The following RBFOX1 variants were observed in gnomAD, a reference collection of about 807,000 sequenced individuals.
The protein encoded by RBFOX1 is RNA binding protein fox-1 homolog 1.
In RBFOX1, 8 loss-of-function variants were observed where a neutral mutation model predicts 57.7. That is an observed-to-expected ratio of 0.14 (90% CI 0.08 to 0.25). The LOEUF (loss-of-function observed/expected upper bound fraction) is 0.25, where lower values mean the gene tolerates loss of function less well. RBFOX1 is among the 10% of genes least tolerant of loss of function. The pLI is 1.00. For missense variants in RBFOX1, 611 were observed against 548.5 expected, an observed-to-expected ratio of 1.11 and a Z score of -1.14; for synonymous variants, 326 against 222.4, an observed-to-expected ratio of 1.47 and a Z score of -4.15.
intron 1 of RBFOX1, among the ~76,000 whole-genome samples, chr16:6,094,332 C>T (rs897266034): frequency 6.6e-6 from 1 of 152,124 alleles, no homozygotes; most frequent in African/African-American, 2.4e-5. Flanking sequence ...ATCAACTATT[C>T]CATTTCTTTT....
chr16:6,225,749 C>G (rs1328168467), intron 1 of RBFOX1, among the ~76,000 whole-genome samples: 11 of 152,126 alleles, frequency 7.2e-5, no homozygotes, highest in Admixed American at 6.5e-4. Flanking sequence ...GAATCATAAC[C>G]AGCTTTAACA....
chr16:5,900,406 A>G (rs1392822191), intron 4 of RBFOX1, among the ~76,000 whole-genome samples: 4 of 152,190 alleles, frequency 2.6e-5, no homozygotes, highest in Non-Finnish European at 4.4e-5. Context: ...AGGGGGAAAA[A>G]AAGAAAGAGA....
intron 4 of RBFOX1, among the ~76,000 whole-genome samples, chr16:7,428,416 T>C (rs1370396482): frequency 6.8e-6 from 1 of 147,196 alleles, no homozygotes; most frequent in East Asian, 2.0e-4. Flanking sequence ...AACTTTTGCC[T>C]CCTGGGTTCT....
At chr16:7,327,342 G>T (rs556998137) in intron 4 of RBFOX1, among the ~76,000 whole-genome samples, 1 of 152,328 alleles carries the variant, frequency 6.6e-6, no homozygotes, top group East Asian at 1.9e-4. Context: ...CGGAAAATTT[G>T]TATCGGAGGA....
chr16:6,720,114 T>G (rs2065682350), intron 3 of RBFOX1, among the ~76,000 whole-genome samples: 1 of 151,682 alleles, frequency 6.6e-6, no homozygotes, highest in Non-Finnish European at 1.5e-5. Flanking sequence ...AATAAATAAA[T>G]AAATAAATAA....
At chr16:7,144,423 T>C (rs113392101) in intron 4 of RBFOX1, among the ~76,000 whole-genome samples, 10 of 128,326 alleles carry the variant, frequency 7.8e-5, no homozygotes, top group Non-Finnish European at 1.3e-4. Flanking sequence ...TCTTCTTTTT[T>C]TTTTTTTTTT....
intron 2 of RBFOX1, among the ~76,000 whole-genome samples, chr16:6,624,068 T>C (rs1463342494): frequency 1.3e-5 from 2 of 152,086 alleles, no homozygotes; most frequent in Non-Finnish European, 2.9e-5. Context: ...TAGGTGAAAA[T>C]TCTATGGTCC....
chr16:6,039,075 A>T (rs1413571137), intron 1 of RBFOX1: 1 of 149,234 alleles, frequency 6.7e-6, no homozygotes, highest in East Asian at 2.0e-4. Flanking sequence ...GAAAGTTTCC[A>T]CTCCCCAGAC....
chr16:6,982,152 T>G (rs893454324), intron 3 of RBFOX1, among the ~76,000 whole-genome samples: 3 of 152,202 alleles, frequency 2.0e-5, no homozygotes, highest in African/African-American at 7.2e-5. Flanking sequence ...TATCCATGTT[T>G]ATGGTATTGG....
At chr16:6,283,292 C>T (rs981603305) in intron 1 of RBFOX1, among the ~76,000 whole-genome samples, 1 of 152,040 alleles carries the variant, frequency 6.6e-6, no homozygotes, top group African/African-American at 2.4e-5. Context: ...GCACTCTGTA[C>T]CCAACCTGGA....
intron 3 of RBFOX1, among the ~76,000 whole-genome samples, chr16:6,862,782 G>C (rs1258696544): frequency 6.6e-6 from 1 of 152,052 alleles, no homozygotes; most frequent in East Asian, 1.9e-4. Context: ...GTCAGGAGTT[G>C]AAGATCAGCC....
chr16:6,829,503 A>G (rs1484963703), intron 3 of RBFOX1, among the ~76,000 whole-genome samples: 2 of 151,994 alleles, frequency 1.3e-5, no homozygotes, highest in East Asian at 3.9e-4. Flanking sequence ...AAACAAAAAA[A>G]CGTTAACTTA....
intron 4 of RBFOX1, among the ~76,000 whole-genome samples, chr16:7,371,898 G>A (rs191975160): frequency 1.3e-5 from 2 of 152,116 alleles, no homozygotes; most frequent in African/African-American, 4.8e-5. Context: ...GATATGCCAT[G>A]GAGCCTCCTT....
intron 3 of RBFOX1, among the ~76,000 whole-genome samples, chr16:6,735,344 G>C (rs912382971): frequency 7.2e-5 from 11 of 152,184 alleles, no homozygotes; most frequent in African/African-American, 2.4e-4. Context: ...TGGTTACTTA[G>C]TGCCGTCAGC....
At chr16:7,410,784 C>A (rs984710198) in intron 4 of RBFOX1, among the ~76,000 whole-genome samples, 2 of 152,038 alleles carry the variant, frequency 1.3e-5, no homozygotes, top group African/African-American at 4.8e-5. Flanking sequence ...CTAATTCCCA[C>A]AGAGGGGCCT....
chr16:7,688,221 A>ATGTGTGTGTGTGTG (rs3029191), intron 14 of RBFOX1, among the ~76,000 whole-genome samples: 39 of 121,008 alleles, frequency 3.2e-4, no homozygotes, highest in African/African-American at 5.6e-4. Flanking sequence ...GCAGGTTTAA[A>ATGTGTGTGTGTGTG]TGTGTGTGTG....
At chr16:6,226,385 A>AAC (rs1299296511) in intron 1 of RBFOX1, among the ~76,000 whole-genome samples, 4 of 150,558 alleles carry the variant, frequency 2.7e-5, no homozygotes, top group African/African-American at 9.8e-5. Context: ...AAAAAAAAAA[A>AAC]AAAAAACAAA....
intron 11 of RBFOX1, among the ~76,000 whole-genome samples, chr16:7,636,775 T>C (rs1266547731): frequency 6.6e-6 from 1 of 152,164 alleles, no homozygotes; most frequent in Admixed American, 6.5e-5. Context: ...CGGTGAGGGC[T>C]TTCTTCTTGG....
intron 1 of RBFOX1, among the ~76,000 whole-genome samples, chr16:6,263,385 G>T (rs1177174544): frequency 6.6e-6 from 1 of 152,122 alleles, no homozygotes; most frequent in African/African-American, 2.4e-5. Flanking sequence ...TCACGGGAGG[G>T]TATAAAGAGA....
Sources: allele counts gnomAD v4.1 joint callset (sites outside exome capture counted in the v4.1 genomes callset), GRCh38; gene constraint gnomAD v4.1.1; transcripts MANE v1.5; gene names NCBI Gene and HGNC (gene_info 2026-07-23, HGNC 2026-07-21).